Variants in NFYA observed in about 807,000 individuals in gnomAD.
NFYA encodes the protein nuclear transcription factor Y subunit alpha, also known as CAAT-box DNA binding protein subunit A.
In NFYA, 28 loss-of-function variants were observed where a neutral mutation model predicts 52.8. The observed-to-expected ratio is 0.53, with a 90% CI of 0.39 to 0.73. NFYA has a LOEUF of 0.73. Ranked by LOEUF, NFYA falls within the 30% of genes least tolerant of loss-of-function variation. The pLI is 0.00. For missense variants in NFYA, 234 were observed against 427.0 expected (o/e 0.55, Z 3.98); for synonymous variants, 150 against 150.7 (o/e 1.00, Z 0.03).
chr6:41,087,056 G>A (rs143644923), intron 4 of NFYA, among the ~76,000 whole-genome samples: 348 of 152,168 alleles, frequency 2.3e-3, no homozygotes, highest in Non-Finnish European at 3.8e-3. Context: ...ATACAACCGA[G>A]TTTGTATTCA....
intron 1 of NFYA, chr6:41,075,217 T>C (rs1272898269): frequency 6.6e-6 from 1 of 152,184 alleles, no homozygotes; most frequent in Non-Finnish European, 1.5e-5. Context: ...TACAGGGCTT[T>C]CCTCTGTCAT....
chr6:41,101,952 A>C lies in NFYA; in HGVS notation c.*4542A>C, dbSNP rs1157292520. On this transcript the variant is annotated 3_prime_UTR_variant, in exon 10 of 10. Transcript: ENST00000341376. ...ACACTGGCCTGATGTGTGGGGAGAA[A>C]GGGGCCAAAAAGTTTAGGATTTGGA... is the stretch of plus-strand genomic sequence containing the variant. 1 of 152,218 alleles carries C rather than the reference A, an allele frequency of 6.6e-6. No homozygotes were observed. The highest frequency in any genetic ancestry group is 6.5e-5 in the Admixed American group (1 of 15,278). The allele number at this position is 152,218 out of a possible 1,614,324, so 9.4% of individuals were successfully genotyped here.
At position 41,102,364 on chromosome 6, in the gene NFYA, G is replaced by A. The variant is rs1195249116; in HGVS notation, c.*4954G>A. On this transcript the variant is annotated 3_prime_UTR_variant, in exon 10 of 10. Coordinates refer to ENST00000341376, the MANE Select transcript of NFYA (RefSeq NM_002505.5). ...AGGAGCTAATTTCCTTTGCACATTTGTATTTTATTTCAAAATAAAGTATTC... is the reference window on the plus strand; with the variant it reads ...AGGAGCTAATTTCCTTTGCACATTTATATTTTATTTCAAAATAAAGTATTC... Among the ~76,000 whole-genome samples, 1 of 152,100 alleles carries A rather than the reference G, an allele frequency of 6.6e-6. No individual in the cohort carries two copies. Among genetic ancestry groups the A allele is most frequent in the Non-Finnish European group, 1.5e-5 (1 of 68,014 alleles).
At chr6:41,076,919 C>T (rs890917994) in intron 1 of NFYA, among the ~76,000 whole-genome samples, 4 of 152,156 alleles carry the variant, frequency 2.6e-5, no homozygotes, top group Admixed American at 1.3e-4. Flanking sequence ...ATCACTCTGT[C>T]ATTAATGTGA....
chr6:41,088,410 G>GAC (rs1764105300), intron 4 of NFYA, among the ~76,000 whole-genome samples: 1 of 119,454 alleles, frequency 8.4e-6, no homozygotes, highest in South Asian at 2.5e-4. Context: ...GCCACAGAGC[G>GAC]ACACTCCGTC....
At chr6:41,080,385 A>G (rs1313458879) in intron 2 of NFYA, among the ~76,000 whole-genome samples, 1 of 151,882 alleles carries the variant, frequency 6.6e-6, no homozygotes, top group Non-Finnish European at 1.5e-5. Context: ...GTGATTAATT[A>G]CTCCTCCTTT....
At chr6:41,092,567 AC>A (rs1582035515) in intron 7 of NFYA, among the ~76,000 whole-genome samples, 1 of 152,122 alleles carries the variant, frequency 6.6e-6, no homozygotes, top group East Asian at 1.9e-4. Flanking sequence ...ATTTAGTAGC[AC>A]TTGGTCTATC....
At chr6:41,083,857 G>A (rs1211990944) in intron 3 of NFYA, among the ~76,000 whole-genome samples, 189 bp from the exon 4 acceptor site, 1 of 152,200 alleles carries the variant, frequency 6.6e-6, no homozygotes, top group Non-Finnish European at 1.5e-5. Flanking sequence ...AAAGTATTGA[G>A]CTTGGCATTT....
chr6:41,085,890 A>C (rs1051632610), intron 4 of NFYA, among the ~76,000 whole-genome samples: 1 of 152,022 alleles, frequency 6.6e-6, no homozygotes, highest in Admixed American at 6.6e-5. Flanking sequence ...TTATTTTTCA[A>C]CTGAATTCTC....
chr6:41,082,601 G>A (rs1343259744), intron 3 of NFYA, among the ~76,000 whole-genome samples: 4 of 152,204 alleles, frequency 2.6e-5, no homozygotes, highest in Non-Finnish European at 5.9e-5. Context: ...TACTTACATA[G>A]ATTTTATTTA....
Position 41,102,284 on chromosome 6 carries a change from T to A in NFYA, c.*4874T>A, listed in dbSNP as rs1408999412. 6.6e-6 allele frequency among the ~76,000 whole-genome samples: 1 copy of A among 152,198 alleles called. No individual in the cohort carries two copies. Among genetic ancestry groups the A allele is most frequent in the East Asian group, 1.9e-4 (1 of 5,188 alleles). On this transcript the variant is annotated 3_prime_UTR_variant, in exon 10 of 10. Coordinates refer to ENST00000341376, the MANE Select transcript of NFYA (RefSeq NM_002505.5). ...AAAAGCTAGACCTTTGCCTATTATC[T>A]GCTAATCTACCCAGTCTCACATTCT...
chr6:41,090,417 T>C (rs1582033541), intron 6 of NFYA, 108 bp downstream of exon 6: 1 of 612,088 alleles, frequency 1.6e-6, no homozygotes, highest in African/African-American at 1.8e-5. Flanking sequence ...TACATATTTT[T>C]TGGACAAAAA....
chr6:41,078,964 T>G, intron 1 of NFYA, 65 bp from the exon 2 acceptor site: 1 of 696,082 alleles, frequency 1.4e-6, no homozygotes, highest in Non-Finnish European at 2.5e-6. Flanking sequence ...ATTATCCAGG[T>G]TAATTGTCTG....
In NFYA at chr6:41,079,057, C is replaced by T; in HGVS notation, c.-33C>T. 1.3e-5 allele frequency: 21 copies of T among 1,607,456 alleles called. No individual in the cohort carries two copies. The highest frequency in any genetic ancestry group is 1.7e-5 in the Non-Finnish European group (20 of 1,174,326). ...TGTACCTCACAGCCTTCTAGGATCT[C>T]CAGAGTGGACAGGAATCTCACTTGG... On this transcript the variant is annotated 5_prime_UTR_variant, in exon 2 of 10. Transcript: ENST00000341376.
intron 1 of NFYA, among the ~76,000 whole-genome samples, chr6:41,074,788 A>T (rs1218594468): frequency 6.6e-6 from 1 of 152,222 alleles, no homozygotes; most frequent in Non-Finnish European, 1.5e-5. Flanking sequence ...CTAAGATTGA[A>T]AAAACGAGTT....
chr6:41,073,869 G>C (rs923991048), intron 1 of NFYA, among the ~76,000 whole-genome samples: 1 of 151,724 alleles, frequency 6.6e-6, no homozygotes, highest in Admixed American at 6.6e-5. Flanking sequence ...TCTCTTCCCC[G>C]CCCCGTTCGC....
chr6:41,091,741 A>G (rs976088334), intron 7 of NFYA, 47 bp downstream of exon 7: 9 of 1,590,276 alleles, frequency 5.7e-6, no homozygotes, highest in Middle Eastern at 1.7e-4. Context: ...TTTCTTGAAC[A>G]TGCAACTTGA....
At chr6:41,082,344 A>G (rs1252333777) in intron 3 of NFYA, among the ~76,000 whole-genome samples, 2 of 152,336 alleles carry the variant, frequency 1.3e-5, no homozygotes, top group Middle Eastern at 3.4e-3. Context: ...CATCTTACTC[A>G]TATATAAAAC....
chr6:41,085,343 T>A (rs1381781668), intron 4 of NFYA, among the ~76,000 whole-genome samples: 1 of 152,224 alleles, frequency 6.6e-6, no homozygotes, highest in Non-Finnish European at 1.5e-5. Context: ...AGGAAATGGT[T>A]GGAATAAATC....
Sources: gnomAD v4.1 joint callset for allele counts (sites outside exome capture counted in the v4.1 genomes callset) on GRCh38, gnomAD v4.1.1 for gene constraint, MANE v1.5 for transcripts, NCBI Gene and HGNC (gene_info 2026-07-23, HGNC 2026-07-21) for gene names.